Variants in OPCML observed in about 807,000 individuals in gnomAD.
OPCML encodes the protein opioid-binding protein/cell adhesion molecule.
A neutral mutation model predicts 37.8 loss-of-function variants in OPCML; 13 were observed. The observed-to-expected ratio is 0.34, with a 90% CI of 0.22 to 0.55. The LOEUF (loss-of-function observed/expected upper bound fraction) is 0.55, where lower values mean the gene tolerates loss of function less well. Among genes scored for constraint, OPCML ranks in the 20% least tolerant of loss-of-function variants. OPCML has a pLI of 0.91. For missense variants in OPCML, 341 were observed against 435.6 expected, an observed-to-expected ratio of 0.78 and a Z score of 1.93; for synonymous variants, 176 against 168.8, an observed-to-expected ratio of 1.04 and a Z score of -0.33.
chr11:133,301,079 T>G (rs1035700292), intron 1 of OPCML: 1 of 152,168 alleles, frequency 6.6e-6, no homozygotes, highest in Admixed American at 6.5e-5. Flanking sequence ...CTGACACAGA[T>G]GTACAGGGTG....
chr11:133,140,970 A>C (rs1395915506), intron 1 of OPCML, among the ~76,000 whole-genome samples: 149 of 3,090 alleles, frequency 0.048, 20 homozygotes, highest in East Asian at 0.25. Context: ...AAGAAGAAGA[A>C]GAAGAAGAAG....
intron 1 of OPCML, among the ~76,000 whole-genome samples, chr11:133,355,837 G>A (rs78072106): frequency 3.9e-5 from 6 of 152,178 alleles, no homozygotes; most frequent in Non-Finnish European, 8.8e-5. Flanking sequence ...ATAGAACTAT[G>A]CAGTTGCAGC....
At chr11:133,500,548 G>C (rs907596925) in intron 1 of OPCML, among the ~76,000 whole-genome samples, 17 of 152,228 alleles carry the variant, frequency 1.1e-4, no homozygotes, top group African/African-American at 4.1e-4. Flanking sequence ...AAGGCCAAGA[G>C]GGAAGCCTCG....
intron 1 of OPCML, among the ~76,000 whole-genome samples, chr11:133,041,082 TC>T (rs759132484): frequency 6.6e-6 from 1 of 152,190 alleles, no homozygotes; most frequent in Non-Finnish European, 1.5e-5. Flanking sequence ...TGAGTTCAAA[TC>T]TCAGATTGTT....
intron 1 of OPCML, among the ~76,000 whole-genome samples, chr11:133,227,243 C>T (rs1353080384): frequency 6.6e-6 from 1 of 152,154 alleles, no homozygotes; most frequent in Non-Finnish European, 1.5e-5. Context: ...CACCCTGCAC[C>T]GGCTCCTCAC....
At chr11:132,422,466 T>C (rs2095963037) in intron 7 of OPCML, among the ~76,000 whole-genome samples, 2 of 152,274 alleles carry the variant, frequency 1.3e-5, no homozygotes, top group South Asian at 4.1e-4. Context: ...TTTACAGTCA[T>C]ATTCAGCTTC....
intron 3 of OPCML, among the ~76,000 whole-genome samples, chr11:132,601,777 G>T (rs1055711005): frequency 3.0e-4 from 45 of 152,202 alleles, no homozygotes; most frequent in Non-Finnish European, 4.6e-4. Flanking sequence ...TATTTTAAAA[G>T]TTTCTTTATA....
At chr11:133,474,688 C>T (rs866515684) in intron 1 of OPCML, among the ~76,000 whole-genome samples, 12 of 152,276 alleles carry the variant, frequency 7.9e-5, no homozygotes, top group Admixed American at 2.6e-4. Context: ...GAGCATGGAC[C>T]CGCAGAACCC....
At chr11:133,300,294 C>G (rs549034140) in intron 1 of OPCML, 1 of 152,316 alleles carries the variant, frequency 6.6e-6, no homozygotes, top group East Asian at 1.9e-4. Context: ...CCCCTGATGC[C>G]AAACTGACGT....
intron 2 of OPCML, among the ~76,000 whole-genome samples, chr11:132,936,397 C>T (rs1347687799): frequency 6.6e-6 from 1 of 152,112 alleles, no homozygotes; most frequent in Non-Finnish European, 1.5e-5. Context: ...TAAACCTGGA[C>T]CCGTAGGCTG....
intron 4 of OPCML, among the ~76,000 whole-genome samples, chr11:132,439,485 C>T (rs2096024718): frequency 6.6e-6 from 1 of 152,224 alleles, no homozygotes; most frequent in African/African-American, 2.4e-5. Context: ...CATACACTAA[C>T]TCTTCAAGGT....
intron 1 of OPCML, among the ~76,000 whole-genome samples, chr11:133,001,368 T>G (rs55669018): frequency 6.6e-6 from 1 of 151,938 alleles, no homozygotes. Flanking sequence ...ACAAAAGAAC[T>G]GGTCTCTGGT....
At chr11:133,448,162 A>G (rs939158534) in intron 1 of OPCML, among the ~76,000 whole-genome samples, 1 of 152,236 alleles carries the variant, frequency 6.6e-6, no homozygotes, top group Non-Finnish European at 1.5e-5. Context: ...GAAGTTTTAT[A>G]GTTTTAACTT....
At position 132,503,060 on chromosome 11, in the gene OPCML, C is replaced by A. The variant is rs1366345392; in HGVS notation, c.505+26001G>T. ...ATTCAAGGTCCCCTGGCAGCAGAGT[C>A]ACCTGGGGTCTTCCCCCGCTATTCT... On this transcript the variant is annotated intron_variant, in intron 4 of 7. Transcript: ENST00000524381. Among the ~76,000 whole-genome samples the A allele has an allele frequency of 2.0e-5, 3 of 152,110 alleles. 1 individual carries two copies. The highest frequency in any genetic ancestry group is 4.2e-4 in the South Asian group (2 of 4,812).
chr11:133,006,061 G>C (rs1444025630), intron 1 of OPCML: 2 of 985,388 alleles, frequency 2.0e-6, no homozygotes, highest in African/African-American at 3.5e-5. Flanking sequence ...GGGCGACCGG[G>C]AATGGAGTGT....
intron 2 of OPCML, among the ~76,000 whole-genome samples, chr11:132,917,043 C>A (rs1191822010): frequency 6.6e-6 from 1 of 152,184 alleles, no homozygotes; most frequent in Non-Finnish European, 1.5e-5. Context: ...AGAGAATGCA[C>A]CCCTTCCAGT....
At chr11:133,432,354 AT>A (rs1239096785) in intron 1 of OPCML, among the ~76,000 whole-genome samples, 3 of 151,830 alleles carry the variant, frequency 2.0e-5, no homozygotes, top group Non-Finnish European at 2.9e-5. Context: ...TACTGTATCT[AT>A]TTTTTTAAAA....
chr11:132,436,779 T>A lies in OPCML; in HGVS notation c.644A>T (p.Tyr215Phe). ...CTTGGCTTTTGAGATATAGGGAGGA[T>A]CTGTGGGAAACACACACACACACAT... is the stretch of plus-strand genomic sequence containing the variant. ...DVRKVKITVN[Y>F]PPYISKAKNT... The change falls in exon 6 of 8, where the codon TAT (tyrosine) becomes TTT (phenylalanine). Residue 215 changes from tyrosine (Y) to phenylalanine (F), a missense_variant and splice_region_variant. Tyr to Phe is a conservative substitution (Grantham distance 22). Coordinates refer to ENST00000524381, the MANE Select transcript of OPCML (RefSeq NM_001012393.5). 1 of 1,613,976 alleles carries A rather than the reference T, an allele frequency of 6.2e-7. No individual in the cohort carries two copies. Among genetic ancestry groups the A allele is most frequent in the Non-Finnish European group, 8.5e-7 (1 of 1,179,954 alleles).
At chr11:132,780,747 G>T (rs1296006217) in intron 2 of OPCML, among the ~76,000 whole-genome samples, 1 of 152,164 alleles carries the variant, frequency 6.6e-6, no homozygotes, top group African/African-American at 2.4e-5. Flanking sequence ...CCACACATTG[G>T]CAAGTAGGGG....
Sources: allele counts gnomAD v4.1 joint callset (sites outside exome capture counted in the v4.1 genomes callset), GRCh38; gene constraint gnomAD v4.1.1; transcripts MANE v1.5; gene names NCBI Gene and HGNC (gene_info 2026-07-23, HGNC 2026-07-21).